The following LRBA variants were observed in gnomAD, a reference collection of about 807,000 sequenced individuals.
The protein encoded by LRBA is LPS responsive beige-like anchor protein.
In LRBA, 176 loss-of-function variants were observed where a neutral mutation model predicts 330.0. That is an observed-to-expected ratio of 0.53 (90% CI 0.47 to 0.60). LRBA has a LOEUF of 0.60. LRBA is among the 20% of genes least tolerant of loss of function. The pLI is 0.00. For missense variants in LRBA, 3,259 were observed against 3,444.8 expected, an observed-to-expected ratio of 0.95 and a Z score of 1.35; for synonymous variants, 1,230 against 1,193.0, an observed-to-expected ratio of 1.03 and a Z score of -0.64.
chr4:150,623,052 A>G (rs1418701175), intron 37 of LRBA, among the ~76,000 whole-genome samples: 1 of 152,068 alleles, frequency 6.6e-6, no homozygotes, highest in Non-Finnish European at 1.5e-5. Context: ...CTGGGCTGCA[A>G]GCAAGATTGC....
At chr4:150,502,819 C>T in intron 40 of LRBA, among the ~76,000 whole-genome samples, 1 of 152,218 alleles carries the variant, frequency 6.6e-6, no homozygotes, top group Non-Finnish European at 1.5e-5. Context: ...AAAGGGGTGA[C>T]AGACGGCACC....
chr4:150,554,139 T>A (rs1766985187), intron 40 of LRBA, among the ~76,000 whole-genome samples: 1 of 152,184 alleles, frequency 6.6e-6, no homozygotes, highest in Non-Finnish European at 1.5e-5. Context: ...CATTCTTATC[T>A]CAGATATATA....
chr4:151,008,079 CT>C (rs1038898858), intron 2 of LRBA, among the ~76,000 whole-genome samples: 84 of 143,250 alleles, frequency 5.9e-4, no homozygotes, highest in South Asian at 9.1e-4. Context: ...AAGTTTTTTT[CT>C]TTTTTTTTTT....
Position 150,422,728 on chromosome 4 carries a change from C to T in LRBA, c.7042-7138G>A, listed in dbSNP as rs1201734734. The T allele has an allele frequency of 5.4e-6, 5 of 919,496 alleles. No individual in the cohort carries two copies. In the African/African-American group the frequency reaches 8.2e-5, roughly 15 times the overall value. The allele number at this position is 919,496 out of a possible 1,614,324, so 57.0% of individuals were successfully genotyped here. A position where few individuals can be genotyped will look rare whatever the true frequency, so the allele number is the denominator to read the frequency against. ...CACCAGGTGAGCCTCTGGAACCCAC[C>T]TGAGGGCCCAAAGGGCTTCTTCATG... On this transcript the variant is annotated intron_variant, in intron 46 of 56. Coordinates refer to ENST00000651943, the MANE Select transcript of LRBA (RefSeq NM_001364905.1).
intron 40 of LRBA, among the ~76,000 whole-genome samples, chr4:150,529,122 A>C (rs753427749): frequency 2.6e-5 from 4 of 152,234 alleles, no homozygotes; most frequent in Admixed American, 2.0e-4. Context: ...ATTTTCATAC[A>C]GCAAAATCAT....
intron 50 of LRBA, among the ~76,000 whole-genome samples, chr4:150,317,319 T>C (rs1416187680): frequency 3.3e-5 from 5 of 152,164 alleles, no homozygotes; most frequent in East Asian, 1.9e-4. Flanking sequence ...AATAAGTTCA[T>C]TAGATTATTT....
chr4:150,756,494 T>G (rs1734327245), intron 35 of LRBA, among the ~76,000 whole-genome samples: 1 of 152,120 alleles, frequency 6.6e-6, no homozygotes, highest in African/African-American at 2.4e-5. Flanking sequence ...AGAAAAAACA[T>G]TCAAGATTCA....
rs150566979 is a variant in LRBA, at chr4:150,512,909, T to G, written c.6331-21874A>C. On this transcript the variant is annotated intron_variant, in intron 40 of 56. Transcript: ENST00000651943. Reference sequence around the variant, plus strand: ...GCTTTAGAAGACAAGAAAACAAATGTGATAGATGAACACAAAAGAAACATT... The same window carrying G: ...GCTTTAGAAGACAAGAAAACAAATGGGATAGATGAACACAAAAGAAACATT... Among the ~76,000 whole-genome samples, 903 of 152,186 alleles carry G rather than the reference T, an allele frequency of 5.9e-3. 7 individuals are homozygous for G. Among genetic ancestry groups the G allele is most frequent in the African/African-American group, 0.02 (848 of 41,516 alleles).
Position 150,321,036 on chromosome 4 carries a change from G to A in LRBA, c.7630+155C>T, listed in dbSNP as rs918951775. Among the ~76,000 whole-genome samples, 8 of 152,044 alleles carry A rather than the reference G, an allele frequency of 5.3e-5. No individual in the cohort carries two copies. The highest frequency in any genetic ancestry group is 1.0e-4 in the Non-Finnish European group (7 of 67,998). ...TTAACATTTGTACTATATGCCTCAC[G>A]TGGGCCTTTTTTAAGCCTTTCAAAC... On this transcript the variant is annotated intron_variant, in intron 50 of 56. Transcript: ENST00000651943. This position sits in a 1 kb window ranked among gnomAD's most constrained non-coding sequence, Gnocchi z 4.5.
chr4:150,476,853 G>A (rs558761050), intron 42 of LRBA, among the ~76,000 whole-genome samples: 1 of 152,284 alleles, frequency 6.6e-6, no homozygotes, highest in South Asian at 2.1e-4. Flanking sequence ...CTGGGTGTCA[G>A]AAAGAATATT....
chr4:150,535,911 C>T (rs1764608323), intron 40 of LRBA, among the ~76,000 whole-genome samples: 1 of 152,114 alleles, frequency 6.6e-6, no homozygotes, highest in South Asian at 2.1e-4. Context: ...GCAGATATTA[C>T]GTGTCTCCTC....
chr4:150,953,438 C>T (rs1266980941), intron 2 of LRBA, among the ~76,000 whole-genome samples: 2 of 150,416 alleles, frequency 1.3e-5, no homozygotes, highest in Non-Finnish European at 3.0e-5. Flanking sequence ...TGTACTGCCG[C>T]CATCTCGGCT....
intron 56 of LRBA, among the ~76,000 whole-genome samples, chr4:150,276,957 A>G (rs1036268619): frequency 6.6e-6 from 1 of 152,222 alleles, no homozygotes; most frequent in African/African-American, 2.4e-5. Flanking sequence ...TCATTCTAGT[A>G]TAAAGACACA....
At chr4:150,787,374 G>A (rs2087403242) in intron 34 of LRBA, among the ~76,000 whole-genome samples, 3 of 151,976 alleles carry the variant, frequency 2.0e-5, no homozygotes, top group Admixed American at 6.6e-5. Flanking sequence ...TATGTGGATC[G>A]TAAAAATGTA....
intron 2 of LRBA, among the ~76,000 whole-genome samples, chr4:150,930,110 T>C (rs1220725581): frequency 1.3e-5 from 2 of 149,660 alleles, no homozygotes; most frequent in African/African-American, 2.5e-5. Flanking sequence ...AGGTCAGGAG[T>C]TCAAGACCAG....
intron 46 of LRBA, among the ~76,000 whole-genome samples, chr4:150,426,772 T>G (rs909090946): frequency 6.6e-6 from 1 of 151,908 alleles, no homozygotes; most frequent in Non-Finnish European, 1.5e-5. Context: ...TATTTGAGAC[T>G]TAATACTTCC....
intron 2 of LRBA, among the ~76,000 whole-genome samples, chr4:150,997,924 C>CGA (rs1298662333): frequency 6.6e-6 from 1 of 151,912 alleles, no homozygotes; most frequent in Non-Finnish European, 1.5e-5. Context: ...GGCTGGTCTC[C>CGA]GACTCCTGAC....
chr4:150,516,674 G>T (rs1762394302), intron 40 of LRBA, among the ~76,000 whole-genome samples: 1 of 150,124 alleles, frequency 6.7e-6, no homozygotes, highest in East Asian at 2.0e-4. Context: ...TACTAAAAAA[G>T]ACATTAAAAT....
chr4:150,870,719 A>G (rs1383233403), intron 19 of LRBA, 113 bp from the exon 20 acceptor site: 2 of 582,694 alleles, frequency 3.4e-6, no homozygotes, highest in Admixed American at 2.8e-5. Context: ...TAATCAAAAT[A>G]TAGTATATTT....
Sources: gnomAD v4.1 joint callset for allele counts (sites outside exome capture counted in the v4.1 genomes callset) on GRCh38, gnomAD v4.1.1 for gene constraint, Gnocchi (gnomAD v3.1) non-coding constraint, MANE v1.5 for transcripts, NCBI Gene and HGNC (gene_info 2026-07-23, HGNC 2026-07-21) for gene names.